The following ITGAM variants were observed in gnomAD, a reference collection of about 807,000 sequenced individuals.
ITGAM encodes the protein integrin subunit alpha M.
A neutral mutation model predicts 137.5 loss-of-function variants in ITGAM; 79 were observed. The ratio of observed to expected loss-of-function variants is 0.57; its 90% CI spans 0.48 to 0.69. The LOEUF (loss-of-function observed/expected upper bound fraction) is 0.69. Ranked by LOEUF, ITGAM falls within the 30% of genes least tolerant of loss-of-function variation. The pLI, the probability that ITGAM is intolerant of heterozygous loss-of-function variation, is 0.00. For synonymous variants in ITGAM, 583 were observed against 592.3 expected (o/e 0.98, Z 0.23); for missense variants, 1,343 against 1,483.5 (o/e 0.91, Z 1.56).
intron 5 of ITGAM, among the ~76,000 whole-genome samples, 171 bp from the exon 6 acceptor site, chr16:31,270,783 C>T (rs1438516602): frequency 4.7e-5 from 6 of 127,474 alleles, no homozygotes; most frequent in East Asian, 2.4e-4. Context: ...TATACACACA[C>T]GTTAAAAATT....
chr16:31,274,272 G>A (rs1401493995), intron 8 of ITGAM, among the ~76,000 whole-genome samples: 1 of 152,118 alleles, frequency 6.6e-6, no homozygotes, highest in Admixed American at 6.6e-5. Flanking sequence ...TAAGTTATAG[G>A]TTAAACATTC....
chr16:31,278,490 A>G (rs998265553), intron 12 of ITGAM, among the ~76,000 whole-genome samples: 1 of 152,094 alleles, frequency 6.6e-6, no homozygotes, highest in East Asian at 1.9e-4. Flanking sequence ...GGGCTTCCCC[A>G]TGATCCAGCA....
rs187906093 is a variant in ITGAM at position 31,281,514 on chromosome 16, T to A, written c.1356+3405T>A. Among the ~76,000 whole-genome samples, 5 of 152,308 alleles carry A rather than the reference T, an allele frequency of 3.3e-5. No individual in the cohort carries two copies. In the East Asian group the frequency reaches 7.7e-4, roughly 24 times the overall value. On this transcript the variant is annotated intron_variant, in intron 12 of 29. Coordinates refer to ENST00000544665, the MANE Select transcript of ITGAM (RefSeq NM_000632.4). ...TTTCTAGTTTATTTGTGTAGAGGTG[T>A]TTATAGTATTCTCTGATGGTAGTTT...
At chr16:31,270,872 T>C in intron 5 of ITGAM, 82 bp from the exon 6 acceptor site, 1 of 892,398 alleles carries the variant, frequency 1.1e-6, no homozygotes, top group Non-Finnish European at 1.6e-6. Context: ...ATTCTCATTG[T>C]TCAGCAGAGG....
In ITGAM at chr16:31,332,596, C is replaced by A. The variant is rs41492444; in HGVS notation, c.*889C>A. ...TCCAGGCGATGTGCAAGTGTATGCACGTGTGCACACACACCACACATACAC... is the reference window on the plus strand; with the variant it reads ...TCCAGGCGATGTGCAAGTGTATGCAAGTGTGCACACACACCACACATACAC... On this transcript the variant is annotated 3_prime_UTR_variant, in exon 30 of 30. Transcript: ENST00000544665. The A allele has an allele frequency of 6.6e-6, 1 of 152,198 alleles. No homozygotes were observed. The highest frequency in any genetic ancestry group is 2.4e-5 in the African/African-American group (1 of 41,446). 9.4% of individuals were successfully genotyped at this position (152,198 alleles called of 1,614,324 possible).
chr16:31,283,898 G>A (rs1349533176), intron 12 of ITGAM, among the ~76,000 whole-genome samples: 1 of 152,178 alleles, frequency 6.6e-6, no homozygotes, highest in Non-Finnish European at 1.5e-5. Context: ...ACATACAGAT[G>A]GGGTTTTGGT....
chr16:31,297,120 C>T (rs889827545), intron 12 of ITGAM, among the ~76,000 whole-genome samples: 2 of 152,088 alleles, frequency 1.3e-5, no homozygotes, highest in African/African-American at 4.8e-5. Context: ...TCACTCACTG[C>T]CCATTGACTC....
intron 21 of ITGAM, among the ~76,000 whole-genome samples, chr16:31,326,145 G>A (rs537165898): frequency 2.6e-5 from 4 of 152,236 alleles, no homozygotes; most frequent in South Asian, 2.1e-4. Flanking sequence ...TCTTGCATCC[G>A]TCATCATGAT....
intron 16 of ITGAM, among the ~76,000 whole-genome samples, chr16:31,323,516 C>T (rs1036770087): frequency 1.3e-5 from 2 of 151,284 alleles, no homozygotes; most frequent in African/African-American, 2.4e-5. Context: ...GACATTATAT[C>T]ATTGTACGTT....
chr16:31,276,722 G>T lies in ITGAM; in HGVS notation c.1061G>T (p.Gly354Val), dbSNP rs1270234039. The T allele has an allele frequency of 1.2e-6, 2 of 1,611,890 alleles. No individual in the cohort carries two copies. The highest frequency in any genetic ancestry group is 2.2e-5 in the East Asian group (1 of 44,832). ...TTTGAGCATGAGATGTCTCAGGAAG[G>T]CTTCAGCGCTGCCATCACCTCTGTA... ...SSFEHEMSQE[G>V]FSAAITSNGP... The change falls in exon 10 of 30, where the codon GGC becomes GTC. Residue 354 changes from glycine (G) to valine (V), a missense_variant. Gly to Val is a moderately radical substitution (Grantham distance 109, BLOSUM62 -3). Coordinates refer to ENST00000544665, the MANE Select transcript of ITGAM (RefSeq NM_000632.4).
chr16:31,310,645 C>T (rs2080317887), intron 14 of ITGAM, among the ~76,000 whole-genome samples: 1 of 152,102 alleles, frequency 6.6e-6, no homozygotes. Context: ...TTTGAACTTC[C>T]TCCTTTAGCT....
intron 14 of ITGAM, among the ~76,000 whole-genome samples, chr16:31,315,299 T>TG (rs2080379278): frequency 1.3e-5 from 2 of 152,350 alleles, no homozygotes; most frequent in East Asian, 3.9e-4. Context: ...CAATTCCATT[T>TG]GTCTGTTTTT....
At position 31,321,444 on chromosome 16, in the gene ITGAM, G is replaced by T. The variant is rs780594165; in HGVS notation, c.1839-20G>T. The T allele has an allele frequency of 1.9e-6, 3 of 1,613,742 alleles. No individual in the cohort carries two copies. The African/African-American group carries it at 4.0e-5, about 22-fold the overall frequency. On this transcript the variant is annotated intron_variant, in intron 15 of 29. Coordinates refer to ENST00000544665, the MANE Select transcript of ITGAM (RefSeq NM_000632.4). ...GTTTCCTGTTTGAAGGTCCCTGATG[G>T]TTTTCTGGTGTCCCTTTAGGTCCCA...
chr16:31,265,583 C>A, intron 3 of ITGAM, 85 bp downstream of exon 3: 1 of 951,420 alleles, frequency 1.1e-6, no homozygotes, highest in Non-Finnish European at 1.6e-6. Context: ...TCCTGGGGAT[C>A]TGTGGTGGGG....
intron 11 of ITGAM, among the ~76,000 whole-genome samples, chr16:31,277,575 C>T (rs920732775): frequency 3.3e-5 from 5 of 152,110 alleles, no homozygotes; most frequent in South Asian, 2.1e-4. Context: ...TCAGGCTGGT[C>T]GCGAACTCCC....
At position 31,321,505 on chromosome 16, in the gene ITGAM, A is replaced by G; in HGVS notation, c.1880A>G (p.Asn627Ser). The G allele has an allele frequency of 1.2e-6, 2 of 1,613,998 alleles. No homozygotes were observed. The highest frequency in any genetic ancestry group is 1.7e-6 in the Non-Finnish European group (2 of 1,179,896). Reference sequence around the variant, plus strand: ...AGAGTCAAGGCAATCATGGAGTTCAATCCCAGGGAAGTGGCAAGGAATGTA... The same window carrying G: ...AGAGTCAAGGCAATCATGGAGTTCAGTCCCAGGGAAGTGGCAAGGAATGTA... Reference protein sequence around the residue: ...VLRVKAIMEFNPREVARNVFE... With the variant: ...VLRVKAIMEFSPREVARNVFE... Residue 627 changes from asparagine (N) to serine (S), a missense_variant, in exon 16 of 30, where the codon AAT (asparagine) becomes AGT (serine). Asn to Ser is a conservative substitution (Grantham distance 46). Coordinates refer to ENST00000544665, the MANE Select transcript of ITGAM (RefSeq NM_000632.4).
chr16:31,331,994 C>T lies in ITGAM; in HGVS notation c.*287C>T. 4.2e-6 allele frequency: 2 copies of T among 476,058 alleles called. No individual in the cohort carries two copies. The highest frequency in any genetic ancestry group is 3.8e-6 in the Non-Finnish European group (1 of 266,012). The allele number at this position is 476,058 out of a possible 1,614,324, so 29.5% of individuals were successfully genotyped here. ...GTGTGTGCGTGTGTCCATGTGTGTGCAAGTGTGTGCATGTGTGCGAGTGTG... is the reference window on the plus strand; with the variant it reads ...GTGTGTGCGTGTGTCCATGTGTGTGTAAGTGTGTGCATGTGTGCGAGTGTG... On this transcript the variant is annotated 3_prime_UTR_variant, in exon 30 of 30. Transcript: ENST00000544665.
chr16:31,271,699 T>C, intron 6 of ITGAM, 148 bp from the exon 7 acceptor site: 1 of 931,756 alleles, frequency 1.1e-6, no homozygotes, highest in Non-Finnish European at 1.6e-6. Flanking sequence ...TGCTGGCAGC[T>C]CTCCGTCCTG....
rs567139465 is a variant in ITGAM, at chr16:31,277,978, G to A, written c.1225G>A (p.Ala409Thr). 1.6e-5 allele frequency: 25 copies of A among 1,597,536 alleles called. No individual in the cohort carries two copies. The highest frequency in any genetic ancestry group is 1.1e-4 in the African/African-American group (8 of 74,680). ...ACCCCCACCTTCAGGTTATGCTGCC[G>A]CCATCATCTTACGGAACCGGGTGCA... is the stretch of plus-strand genomic sequence containing the variant. Reference protein sequence around the residue: ...MNDAYLGYAAAIILRNRVQSL... With the variant: ...MNDAYLGYAATIILRNRVQSL... The change falls in exon 12 of 30, where the codon GCC becomes ACC. Residue 409 changes from alanine to threonine, a missense_variant. Physicochemically the swap from Ala to Thr is moderately conservative, Grantham distance 58 (BLOSUM62 0). Coordinates refer to ENST00000544665, the MANE Select transcript of ITGAM (RefSeq NM_000632.4).
Sources: allele counts gnomAD v4.1 joint callset (sites outside exome capture counted in the v4.1 genomes callset), GRCh38; gene constraint gnomAD v4.1.1; transcripts MANE v1.5; gene names NCBI Gene and HGNC (gene_info 2026-07-23, HGNC 2026-07-21).